The following IMMP2L variants were observed in gnomAD, a reference collection of about 807,000 sequenced individuals.
IMMP2L encodes mitochondrial inner membrane protease subunit 2.
IMMP2L carries 18 observed loss-of-function variants against 19.3 expected under a neutral mutation model. The observed-to-expected ratio is 0.93, with a 90% CI of 0.64 to 1.38. The LOEUF is 1.38. IMMP2L is among the 40% of genes most tolerant of loss of function. IMMP2L has a pLI of 0.00. For synonymous variants in IMMP2L, 76 were observed against 73.0 expected (o/e 1.04, Z -0.21); for missense variants, 233 against 218.2 (o/e 1.07, Z -0.43).
chr7:111,507,088 G>C (rs571625348), intron 2 of IMMP2L, among the ~76,000 whole-genome samples: 1 of 152,162 alleles, frequency 6.6e-6, no homozygotes, highest in East Asian at 1.9e-4. Flanking sequence ...TTATCTTCAA[G>C]CCTTGGCCTC....
chr7:111,387,704 G>A (rs185452970), intron 3 of IMMP2L, among the ~76,000 whole-genome samples: 25 of 151,860 alleles, frequency 1.6e-4, no homozygotes, highest in African/African-American at 3.1e-4. Context: ...ACGGCCAGGC[G>A]CAGTGGCTCA....
chr7:110,986,070 CTT>C (rs1289980166), intron 3 of IMMP2L, among the ~76,000 whole-genome samples: 1 of 152,124 alleles, frequency 6.6e-6, no homozygotes, highest in East Asian at 1.9e-4. Context: ...TTTATTAACT[CTT>C]TGAGGGAAAT....
At chr7:111,297,611 A>G (rs1821767689) in intron 3 of IMMP2L, among the ~76,000 whole-genome samples, 1 of 152,182 alleles carries the variant, frequency 6.6e-6, no homozygotes. Flanking sequence ...TTGTGCATAA[A>G]TGTATATACC....
intron 3 of IMMP2L, among the ~76,000 whole-genome samples, chr7:111,148,233 G>T (rs1436311371): frequency 1.3e-5 from 2 of 152,066 alleles, no homozygotes; most frequent in Non-Finnish European, 2.9e-5. Context: ...AAAACATTAT[G>T]CTAACTGAAA....
At chr7:111,061,810 CA>C (rs1794043777) in intron 3 of IMMP2L, among the ~76,000 whole-genome samples, 1 of 152,186 alleles carries the variant, frequency 6.6e-6, no homozygotes, top group Admixed American at 6.5e-5. Context: ...AAAGACCTTT[CA>C]ATGATTTTCC....
intron 3 of IMMP2L, among the ~76,000 whole-genome samples, chr7:111,408,131 T>C (rs1834057067): frequency 6.6e-6 from 1 of 151,850 alleles, no homozygotes; most frequent in Non-Finnish European, 1.5e-5. Context: ...AGCACTTATC[T>C]AAAACAAACC....
chr7:111,367,735 C>T (rs1249259966), intron 3 of IMMP2L, among the ~76,000 whole-genome samples: 1 of 151,788 alleles, frequency 6.6e-6, no homozygotes, highest in African/African-American at 2.4e-5. Flanking sequence ...CAAATTTGAA[C>T]CCAGAGACTC....
chr7:111,434,602 G>C lies in IMMP2L; in HGVS notation c.239+52636C>G, dbSNP rs1309102129. On this transcript the variant is annotated intron_variant, in intron 3 of 5. Transcript: ENST00000405709. The stretch of plus-strand genomic sequence containing the variant: ...ACTCTGTTGCACAGGATGGAGTGCA[G>C]TGGCGCAATCTTGGCTCACTGCAAC... Among the ~76,000 whole-genome samples, 4 of 151,614 alleles carry C rather than the reference G, an allele frequency of 2.6e-5. 1 individual carries two copies. The highest frequency in any genetic ancestry group is 9.8e-5 in the African/African-American group (4 of 40,992).
intron 5 of IMMP2L, among the ~76,000 whole-genome samples, chr7:110,742,198 T>C (rs1158288523): frequency 1.3e-5 from 2 of 152,210 alleles, no homozygotes; most frequent in African/African-American, 4.8e-5. Flanking sequence ...GTTATTTTTG[T>C]ATATTTGCTT....
intron 3 of IMMP2L, among the ~76,000 whole-genome samples, chr7:110,964,506 T>G (rs1271210693): frequency 6.6e-6 from 1 of 151,982 alleles, no homozygotes; most frequent in African/African-American, 2.4e-5. Context: ...TAAAATAAAT[T>G]GACAGGTTTT....
chr7:111,124,478 C>T (rs771781839), intron 3 of IMMP2L: 2 of 1,613,848 alleles, frequency 1.2e-6, no homozygotes, highest in Admixed American at 3.3e-5. Context: ...GCGCAAAGTG[C>T]TCGAATACCA....
chr7:111,030,175 C>T (rs920979546), intron 3 of IMMP2L, among the ~76,000 whole-genome samples: 3 of 152,032 alleles, frequency 2.0e-5, no homozygotes, highest in African/African-American at 7.3e-5. Flanking sequence ...AGGATTGAAC[C>T]TATTGCATCT....
chr7:110,839,330 T>TA (rs930418284), intron 5 of IMMP2L, among the ~76,000 whole-genome samples: 17 of 151,230 alleles, frequency 1.1e-4, no homozygotes, highest in East Asian at 3.9e-4. Flanking sequence ...CCTTGGATAA[T>TA]AAAAAAAAAG....
intron 5 of IMMP2L, among the ~76,000 whole-genome samples, chr7:110,766,861 A>T (rs1385412624): frequency 6.6e-6 from 1 of 152,124 alleles, no homozygotes; most frequent in African/African-American, 2.4e-5. Context: ...TGTAATCAGA[A>T]ACTTCAGGCA....
At chr7:111,463,408 G>C (rs1157880340) in intron 3 of IMMP2L, among the ~76,000 whole-genome samples, 6 of 152,016 alleles carry the variant, frequency 3.9e-5, no homozygotes, top group African/African-American at 9.7e-5. Context: ...ACATCCCAGA[G>C]GCTAACCTCT....
chr7:110,749,422 T>G (rs1584713483), intron 5 of IMMP2L, among the ~76,000 whole-genome samples: 1 of 152,098 alleles, frequency 6.6e-6, no homozygotes, highest in Middle Eastern at 3.4e-3. Flanking sequence ...TATAAATCAT[T>G]ATACTATAAA....
chr7:111,231,228 T>C (rs1813683463), intron 3 of IMMP2L, among the ~76,000 whole-genome samples: 2 of 152,152 alleles, frequency 1.3e-5, no homozygotes, highest in East Asian at 1.9e-4. Flanking sequence ...ATTATTATGA[T>C]ATTTTACACC....
At chr7:111,338,635 T>C (rs1826701439) in intron 3 of IMMP2L, among the ~76,000 whole-genome samples, 1 of 152,092 alleles carries the variant, frequency 6.6e-6, no homozygotes, top group South Asian at 2.1e-4. Context: ...TTGTTGATCC[T>C]TATCTAGCAT....
chr7:111,016,470 G>A (rs576673415), intron 3 of IMMP2L, among the ~76,000 whole-genome samples: 1 of 125,116 alleles, frequency 8.0e-6, no homozygotes, highest in Admixed American at 9.4e-5. Context: ...ATATATTTAT[G>A]TAGTTTATAC....
Sources: allele counts gnomAD v4.1 joint callset (sites outside exome capture counted in the v4.1 genomes callset), GRCh38; gene constraint gnomAD v4.1.1; transcripts MANE v1.5; gene names NCBI Gene and HGNC (gene_info 2026-07-23, HGNC 2026-07-21).